The following SLC35D1 variants were observed in gnomAD, a reference collection of about 807,000 sequenced individuals.
SLC35D1 encodes the protein solute carrier family 35 member D1.
In SLC35D1, 31 loss-of-function variants were observed where a neutral mutation model predicts 46.7. The ratio of observed to expected loss-of-function variants is 0.66; its 90% CI spans 0.50 to 0.90. The LOEUF (loss-of-function observed/expected upper bound fraction) is 0.90. Ranked by LOEUF, SLC35D1 falls within the 40% of genes least tolerant of loss-of-function variation. The probability of loss-of-function intolerance (pLI) is 0.00; values close to 1 mark genes in which losing one functional copy is unlikely to be tolerated. For missense variants in SLC35D1, 397 were observed against 426.2 expected (o/e 0.93, Z 0.60); for synonymous variants, 195 against 164.6 (o/e 1.18, Z -1.41).
the SLC35D1 span, among the ~76,000 whole-genome samples, chr1:66,982,619 C>T: frequency 6.6e-6 from 1 of 152,136 alleles, no homozygotes; most frequent in Non-Finnish European, 1.5e-5. Context: ...TAAGCGCCAC[C>T]CCCAGCTCCT....
Position 67,047,286 on chromosome 1 carries a change from T to C in SLC35D1, c.615A>G (p.Val205=). 1 of 1,613,360 alleles carries C rather than the reference T, an allele frequency of 6.2e-7. No individual in the cohort carries two copies. ...TTACTTTTGAATCTAATTTTTGTTT[T>C]ACGTATGCACCATTTGCTGCTGTTA... ...DVLTAANGAY[V]KQKLDSKELG... is the part of the protein sequence containing the mutation. Residue 205 remains valine, a synonymous_variant, in exon 7 of 12, where the codon GTA becomes GTG. Transcript: ENST00000235345.
At chr1:66,990,705 GT>G in the SLC35D1 span, among the ~76,000 whole-genome samples, 1 of 151,590 alleles carries the variant, frequency 6.6e-6, no homozygotes, top group Non-Finnish European at 1.5e-5. Flanking sequence ...TATATGTATA[GT>G]TAGTTAGGAA....
chr1:67,008,179 G>GC (rs1266916679), intron 11 of SLC35D1, among the ~76,000 whole-genome samples: 2 of 152,108 alleles, frequency 1.3e-5, no homozygotes, highest in Admixed American at 6.5e-5. Flanking sequence ...TCACTCTGTT[G>GC]CCAGGCTGGA....
the SLC35D1 span, among the ~76,000 whole-genome samples, chr1:66,975,933 T>G: frequency 6.6e-6 from 1 of 152,162 alleles, no homozygotes; most frequent in Admixed American, 6.5e-5. Flanking sequence ...AGTAAAAGTA[T>G]TAGCAAACTG....
chr1:66,974,850 C>G, the SLC35D1 span, among the ~76,000 whole-genome samples: 1 of 152,104 alleles, frequency 6.6e-6, no homozygotes, highest in Non-Finnish European at 1.5e-5. Context: ...ATCATAAGTT[C>G]TATTTTGAGG....
At chr1:67,046,989 T>C (rs976567803) in intron 7 of SLC35D1, among the ~76,000 whole-genome samples, 2 of 152,136 alleles carry the variant, frequency 1.3e-5, no homozygotes, top group African/African-American at 2.4e-5. Context: ...GCCATGAACA[T>C]TTAAAGACAC....
At chr1:67,008,994 A>G (rs1202817430) in intron 11 of SLC35D1, 91 bp downstream of exon 11, 2 of 649,424 alleles carry the variant, frequency 3.1e-6, no homozygotes, top group East Asian at 3.0e-5. Flanking sequence ...TAATGAATAA[A>G]TGTTCCATTA....
chr1:66,989,677 C>T, the SLC35D1 span, among the ~76,000 whole-genome samples: 1 of 152,148 alleles, frequency 6.6e-6, no homozygotes, highest in African/African-American at 2.4e-5. Flanking sequence ...GTTGCCCCGG[C>T]CACTCTGGAA....
intron 8 of SLC35D1, among the ~76,000 whole-genome samples, chr1:67,038,084 G>C (rs1668160574): frequency 6.6e-6 from 1 of 152,160 alleles, no homozygotes; most frequent in African/African-American, 2.4e-5. Flanking sequence ...CTGGCAAAGA[G>C]AAAGTTCTAT....
chr1:66,988,554 A>C, the SLC35D1 span: 1 of 151,880 alleles, frequency 6.6e-6, no homozygotes, highest in South Asian at 2.1e-4. Context: ...ATTATTTTCA[A>C]TTTGTCTTTA....
chr1:67,012,843 G>GA (rs1172628047), intron 10 of SLC35D1, among the ~76,000 whole-genome samples: 2 of 152,074 alleles, frequency 1.3e-5, no homozygotes, highest in South Asian at 4.1e-4. Flanking sequence ...CCTGGTCAGA[G>GA]AATCAGCCCC....
At chr1:66,996,383 TG>T (rs1164855171), downstream of SLC35D1, among the ~76,000 whole-genome samples, 1 of 152,234 alleles carries the variant, frequency 6.6e-6, no homozygotes, top group Non-Finnish European at 1.5e-5. Context: ...AGAGCGGTGA[TG>T]AGTTTGGTAC....
chr1:66,986,014 A>T, the SLC35D1 span: 5 of 991,728 alleles, frequency 5.0e-6, no homozygotes, highest in Non-Finnish European at 6.0e-6. Context: ...TTATTTTTAT[A>T]TGCATCATAA....
chr1:66,981,647 T>G, the SLC35D1 span: 1 of 659,128 alleles, frequency 1.5e-6, no homozygotes, highest in Non-Finnish European at 2.5e-6. Flanking sequence ...CCTGGTATGA[T>G]AGATGAAGCA....
At position 67,003,609 on chromosome 1, in the gene SLC35D1, C is replaced by T. The variant is rs1359295988; in HGVS notation, c.*731G>A. The stretch of plus-strand genomic sequence containing the variant: ...CCAGCATTTAGCACAATGCCTGGCA[C>T]ATATACTTAAAACATTTTAGTTGAA... On this transcript the variant is annotated 3_prime_UTR_variant, in exon 12 of 12. Transcript: ENST00000235345. 1 of 152,782 alleles carries T rather than the reference C, an allele frequency of 6.5e-6. No individual in the cohort carries two copies. The highest frequency in any genetic ancestry group is 1.5e-5 in the Non-Finnish European group (1 of 68,400). The allele number at this position is 152,782 out of a possible 1,614,324, so 9.5% of individuals were successfully genotyped here. A position where few individuals can be genotyped will look rare whatever the true frequency, so the allele number is the denominator to read the frequency against.
Position 67,004,120 on chromosome 1 carries a change from G to C in SLC35D1, c.*220C>G, listed in dbSNP as rs1558148056. 4 of 515,738 alleles carry C rather than the reference G, an allele frequency of 7.8e-6. No homozygotes were observed. The highest frequency in any genetic ancestry group is 7.7e-5 in the African/African-American group (4 of 51,822). The allele number at this position is 515,738 out of a possible 1,614,324, so 31.9% of individuals were successfully genotyped here. A position where few individuals can be genotyped will look rare whatever the true frequency, so the allele number is the denominator to read the frequency against. On this transcript the variant is annotated 3_prime_UTR_variant, in exon 12 of 12. Coordinates refer to ENST00000235345, the MANE Select transcript of SLC35D1 (RefSeq NM_015139.3). ...AAAAGCCCAGTACCTTTTCCAGTCT[G>C]ATATAAATTAATTCAAACAACATAT... is the stretch of plus-strand genomic sequence containing the variant.
intron 10 of SLC35D1, among the ~76,000 whole-genome samples, chr1:67,015,807 A>G (rs1003686754): frequency 2.0e-5 from 3 of 152,218 alleles, no homozygotes; most frequent in African/African-American, 7.2e-5. Flanking sequence ...CAGATTCAGT[A>G]TGACTCATGG....
intron 8 of SLC35D1, among the ~76,000 whole-genome samples, chr1:67,027,883 C>G (rs1018350590): frequency 2.0e-5 from 3 of 152,046 alleles, no homozygotes; most frequent in Non-Finnish European, 4.4e-5. Context: ...AGGTGTGAGC[C>G]ACCATGCCTG....
At chr1:67,035,072 T>A (rs1668093943) in intron 8 of SLC35D1, among the ~76,000 whole-genome samples, 1 of 152,132 alleles carries the variant, frequency 6.6e-6, no homozygotes, top group South Asian at 2.1e-4. Context: ...GGTTTGCTAG[T>A]ATTTTTGTTG....
Sources: allele counts gnomAD v4.1 joint callset (sites outside exome capture counted in the v4.1 genomes callset), GRCh38; gene constraint gnomAD v4.1.1; transcripts MANE v1.5; gene names NCBI Gene and HGNC (gene_info 2026-07-23, HGNC 2026-07-21).